Variants in FAM83B observed in about 807,000 individuals in gnomAD.
The protein encoded by FAM83B is protein FAM83B.
A neutral mutation model predicts 38.8 loss-of-function variants in FAM83B; 26 were observed. That is an observed-to-expected ratio of 0.67 (90% CI 0.49 to 0.93). The LOEUF (loss-of-function observed/expected upper bound fraction) is 0.93, where lower values mean the gene tolerates loss of function less well. Among genes scored for constraint, FAM83B ranks in the 40% least tolerant of loss-of-function variants. The probability of loss-of-function intolerance (pLI) is 0.00; values close to 1 mark genes in which losing one functional copy is unlikely to be tolerated. For missense variants in FAM83B, 1,237 were observed against 1,197.3 expected (o/e 1.03, Z -0.49); for synonymous variants, 419 against 423.1 (o/e 0.99, Z 0.12).
chr6:54,933,638 A>G (rs1281554204), intron 4 of FAM83B, among the ~76,000 whole-genome samples: 2 of 152,094 alleles, frequency 1.3e-5, no homozygotes, highest in African/African-American at 4.8e-5. Context: ...GTCTTTGTTC[A>G]GGGAAAGACC....
intron 2 of FAM83B, among the ~76,000 whole-genome samples, chr6:54,922,429 A>G (rs1184561523): frequency 6.6e-6 from 1 of 152,006 alleles, no homozygotes; most frequent in Non-Finnish European, 1.5e-5. Context: ...AAAAATCTTA[A>G]TGCCTATATA....
At chr6:54,906,945 A>G (rs1772788988) in intron 2 of FAM83B, among the ~76,000 whole-genome samples, 1 of 152,274 alleles carries the variant, frequency 6.6e-6, no homozygotes, top group East Asian at 1.9e-4. Context: ...TTTTGGTTAG[A>G]CATTCTTTCC....
intron 2 of FAM83B, among the ~76,000 whole-genome samples, chr6:54,876,312 T>C (rs931810886): frequency 5.6e-5 from 8 of 142,536 alleles, no homozygotes; most frequent in Non-Finnish European, 9.2e-5. Flanking sequence ...TATATATATA[T>C]ATATATATGT....
chr6:54,905,515 A>G lies in FAM83B; in HGVS notation c.445-20856A>G, dbSNP rs546027183. On this transcript the variant is annotated intron_variant, in intron 2 of 4. Transcript: ENST00000306858. ...ATTTTTTTCGTGGTAAGAACTCAAC[A>G]TTTTTATTCTTGGCCGTTTTGGAAT... 4.4e-3 allele frequency among the ~76,000 whole-genome samples: 672 copies of G among 152,236 alleles called. 8 individuals carry two copies. Among genetic ancestry groups the G allele is most frequent in the African/African-American group, 0.015 (640 of 41,556 alleles).
rs149839238 is a variant in FAM83B at position 54,866,687 on chromosome 6, G to A, written c.-60-3500G>A. On this transcript the variant is annotated intron_variant, in intron 1 of 4. Coordinates refer to ENST00000306858, the MANE Select transcript of FAM83B (RefSeq NM_001010872.3). ...GTTTAATATTCACCTGTTGAAAGAC[G>A]TTTGGGTTGTTTCCATTGTCAGGCT... 3.9e-5 allele frequency among the ~76,000 whole-genome samples: 6 copies of A among 152,082 alleles called. No individual in the cohort carries two copies. The East Asian group carries it at 5.8e-4, about 15-fold the overall frequency.
chr6:54,900,657 A>T (rs239843), intron 2 of FAM83B, among the ~76,000 whole-genome samples: 3 of 152,114 alleles, frequency 2.0e-5, no homozygotes, highest in Non-Finnish European at 4.4e-5. Context: ...AGTATGTGTC[A>T]GTGACAATAT....
chr6:54,914,036 T>C (rs1477655883), intron 2 of FAM83B, among the ~76,000 whole-genome samples: 2 of 152,184 alleles, frequency 1.3e-5, no homozygotes, highest in African/African-American at 4.8e-5. Flanking sequence ...ATTTTACAGT[T>C]GTTTTGTTGA....
At chr6:54,908,477 G>C (rs954880607) in intron 2 of FAM83B, among the ~76,000 whole-genome samples, 1 of 151,882 alleles carries the variant, frequency 6.6e-6, no homozygotes, top group African/African-American at 2.4e-5. Context: ...AACATTTTCT[G>C]ATATCTGGTT....
At chr6:54,894,580 T>C (rs1772475938) in intron 2 of FAM83B, among the ~76,000 whole-genome samples, 3 of 152,314 alleles carry the variant, frequency 2.0e-5, no homozygotes, top group African/African-American at 7.2e-5. Flanking sequence ...ATCTATGCCA[T>C]CTTAGGGAAC....
Position 54,870,347 on chromosome 6 carries a change from T to C in FAM83B, c.101T>C (p.Ile34Thr), listed in dbSNP as rs1436972410. Reference sequence around the variant, plus strand: ...GAATGGTATCGAGTAGCCATTGATATTCTGATTGAACACGGGTTAGAAGCA... The same window carrying C: ...GAATGGTATCGAGTAGCCATTGATACTCTGATTGAACACGGGTTAGAAGCA... ...YKEWYRVAID[I>T]LIEHGLEAYQ... is the part of the protein sequence containing the mutation. The change falls in exon 2 of 5, where the codon ATT becomes ACT. Residue 34 changes from isoleucine to threonine, a missense_variant. Physicochemically the swap from Ile to Thr is moderately conservative, Grantham distance 89. Coordinates refer to ENST00000306858, the MANE Select transcript of FAM83B (RefSeq NM_001010872.3). 1 of 1,614,042 alleles carries C rather than the reference T, an allele frequency of 6.2e-7. No individual in the cohort carries two copies. The highest frequency in any genetic ancestry group is 2.2e-5 in the East Asian group (1 of 44,874).
chr6:54,884,982 C>T (rs1772239585), intron 2 of FAM83B, among the ~76,000 whole-genome samples: 1 of 152,078 alleles, frequency 6.6e-6, no homozygotes, highest in Non-Finnish European at 1.5e-5. Context: ...CTGTGTTAGC[C>T]AGGATGGTCT....
intron 2 of FAM83B, among the ~76,000 whole-genome samples, chr6:54,909,622 A>G (rs1377791834): frequency 1.3e-5 from 2 of 152,230 alleles, no homozygotes; most frequent in African/African-American, 4.8e-5. Flanking sequence ...TTATTGAGTT[A>G]TATTAGTTAA....
At position 54,870,595 on chromosome 6, in the gene FAM83B, G is replaced by A. The variant is rs1771825959; in HGVS notation, c.349G>A (p.Gly117Arg). 1.2e-6 allele frequency: 2 copies of A among 1,613,882 alleles called. No individual in the cohort carries two copies. Among genetic ancestry groups the A allele is most frequent in the Non-Finnish European group, 1.7e-6 (2 of 1,179,924 alleles). The change falls in exon 2 of 5, where the codon GGG becomes AGG. Residue 117 changes from glycine (G) to arginine (R), a missense_variant. Gly to Arg is a moderately radical substitution (Grantham distance 125). Coordinates refer to ENST00000306858, the MANE Select transcript of FAM83B (RefSeq NM_001010872.3). ...GWPYVMPGLL[G>R]GTHIDLLFHP... is the part of the protein sequence containing the mutation. ...GCCATATGTGATGCCCGGACTCTTA[G>A]GGGGCACCCATATAGATCTCCTTTT...
chr6:54,877,381 G>A lies in FAM83B; in HGVS notation c.444+6691G>A, dbSNP rs12176123. On this transcript the variant is annotated intron_variant, in intron 2 of 4. Transcript: ENST00000306858. Reference sequence around the variant, plus strand: ...AAAAAGTCATGAAGGTTTGCCATGGGAGCCTTTTTGAGATGATGAGTGCTG... The same window carrying A: ...AAAAAGTCATGAAGGTTTGCCATGGAAGCCTTTTTGAGATGATGAGTGCTG... 0.051 allele frequency among the ~76,000 whole-genome samples: 7,699 copies of A among 152,204 alleles called. 1,327 individuals are homozygous for A. In the East Asian group the frequency reaches 0.57, roughly 11 times the overall value.
intron 4 of FAM83B, among the ~76,000 whole-genome samples, chr6:54,934,818 A>G (rs1485991042): frequency 1.3e-5 from 2 of 152,138 alleles, no homozygotes; most frequent in South Asian, 2.1e-4. Context: ...CTCTATTTTC[A>G]TGACCTTTCT....
chr6:54,932,398 A>G (rs972265703), intron 4 of FAM83B, among the ~76,000 whole-genome samples: 1 of 152,146 alleles, frequency 6.6e-6, no homozygotes, highest in Admixed American at 6.5e-5. Flanking sequence ...TTATAGCTCT[A>G]TTCCTCACTT....
At chr6:54,899,417 G>T (rs900223505) in intron 2 of FAM83B, among the ~76,000 whole-genome samples, 2 of 152,080 alleles carry the variant, frequency 1.3e-5, no homozygotes, top group African/African-American at 2.4e-5. Flanking sequence ...TTTATCTTTC[G>T]TTATACCTAA....
chr6:54,887,892 G>A (rs1772314652), intron 2 of FAM83B, among the ~76,000 whole-genome samples: 1 of 151,644 alleles, frequency 6.6e-6, no homozygotes, highest in Non-Finnish European at 1.5e-5. Flanking sequence ...CCTATAAACA[G>A]TGCATAGTTA....
intron 2 of FAM83B, among the ~76,000 whole-genome samples, chr6:54,893,049 G>A (rs1165695795): frequency 1.3e-5 from 2 of 152,070 alleles, no homozygotes; most frequent in African/African-American, 4.8e-5. Context: ...AACTGTGTGA[G>A]TAAACCATCT....
Sources: gnomAD v4.1 joint callset for allele counts (sites outside exome capture counted in the v4.1 genomes callset) on GRCh38, gnomAD v4.1.1 for gene constraint, MANE v1.5 for transcripts, NCBI Gene and HGNC (gene_info 2026-07-23, HGNC 2026-07-21) for gene names.